The following ZNF248 variants were observed in gnomAD, a reference collection of about 807,000 sequenced individuals.
ZNF248 encodes the protein KRAB protein domain.
A neutral mutation model predicts 44.3 loss-of-function variants in ZNF248; 20 were observed. The ratio of observed to expected loss-of-function variants is 0.45; its 90% CI spans 0.32 to 0.66. The LOEUF (loss-of-function observed/expected upper bound fraction) is 0.66. ZNF248 is among the 30% of genes least tolerant of loss of function. ZNF248 has a pLI of 0.04. For missense variants in ZNF248, 654 were observed against 677.0 expected (o/e 0.97, Z 0.38); for synonymous variants, 224 against 229.0 (o/e 0.98, Z 0.20).
downstream of ZNF248, among the ~76,000 whole-genome samples, chr10:37,771,573 A>G (rs191871154): frequency 7.4e-3 from 1,079 of 146,378 alleles, 5 homozygotes; most frequent in Middle Eastern, 0.014. Context: ...GAGTTGAACA[A>G]TGAGAACACA....
At chr10:37,761,614 A>G in the ZNF248 span, among the ~76,000 whole-genome samples, 1 of 152,234 alleles carries the variant, frequency 6.6e-6, no homozygotes, top group African/African-American at 2.4e-5. Context: ...TGTTTCTTAC[A>G]ATGGAATAGT....
At chr10:37,856,190 G>A (rs747965456) in intron 3 of ZNF248, 106 bp downstream of exon 3, 66 of 1,289,634 alleles carry the variant, frequency 5.1e-5, no homozygotes, top group Non-Finnish European at 6.6e-5. Context: ...TTCCCTTAAT[G>A]TCAATTTTTG....
chr10:37,822,358 T>C (rs1462511676), intron 6 of ZNF248, among the ~76,000 whole-genome samples: 3 of 152,152 alleles, frequency 2.0e-5, no homozygotes, highest in Non-Finnish European at 4.4e-5. Context: ...CCATGACTGT[T>C]TTCCCAGGTT....
intron 3 of ZNF248, among the ~76,000 whole-genome samples, chr10:37,850,258 T>C (rs990063230): frequency 6.6e-6 from 1 of 152,154 alleles, no homozygotes; most frequent in African/African-American, 2.4e-5. Context: ...AGAACAGTCA[T>C]AAATAGTTGC....
In ZNF248 at chr10:37,833,131, A is replaced by AC; in HGVS notation, c.239-16_239-15insG. 6.4e-7 allele frequency: 1 copy of AC among 1,566,214 alleles called. No individual in the cohort carries two copies. The highest frequency in any genetic ancestry group is 8.6e-7 in the Non-Finnish European group (1 of 1,163,082). Reference sequence around the variant, plus strand: ...CCATTTCCTTTCTAGAAATGAGAAAAATAACCACATCTTATGAACCTTAAT... The same window carrying AC: ...CCATTTCCTTTCTAGAAATGAGAAAACATAACCACATCTTATGAACCTTAAT... On this transcript the variant is annotated splice_polypyrimidine_tract_variant and intron_variant, in intron 5 of 5. Coordinates refer to ENST00000395867, the MANE Select transcript of ZNF248 (RefSeq NM_021045.3).
chr10:37,835,899 A>G (rs1299711194), intron 5 of ZNF248, among the ~76,000 whole-genome samples: 1 of 152,160 alleles, frequency 6.6e-6, no homozygotes, highest in African/African-American at 2.4e-5. Context: ...CACATATCCA[A>G]TCTCTTAGTC....
Position 37,831,422 on chromosome 10 carries a change from C to T in ZNF248, c.*193G>A, listed in dbSNP as rs1396332226. 6.0e-6 allele frequency: 9 copies of T among 1,506,654 alleles called. No homozygotes were observed. Among genetic ancestry groups the T allele is most frequent in the Non-Finnish European group, 8.0e-6 (9 of 1,128,044 alleles). 93.3% of individuals were successfully genotyped at this position (1,506,654 alleles called of 1,614,324 possible). The stretch of plus-strand genomic sequence containing the variant: ...CATAAATTCCAGATAAATATTTTCA[C>T]CATATTACTTAGATGAATAGAATTC... On this transcript the variant is annotated 3_prime_UTR_variant, in exon 6 of 6. Coordinates refer to ENST00000395867, the MANE Select transcript of ZNF248 (RefSeq NM_021045.3).
intron 6 of ZNF248, among the ~76,000 whole-genome samples, chr10:37,780,081 C>A (rs1344129017): frequency 6.7e-6 from 1 of 149,790 alleles, no homozygotes; most frequent in East Asian, 1.9e-4. Context: ...GTGAAAATGG[C>A]CATACTGCCC....
downstream of ZNF248, among the ~76,000 whole-genome samples, chr10:37,773,144 G>T (rs1173924903): frequency 6.6e-6 from 1 of 152,168 alleles, no homozygotes; most frequent in Non-Finnish European, 1.5e-5. Context: ...TACTCAGGAG[G>T]CTGAGGCAGG....
chr10:37,831,883 G>C lies in ZNF248; in HGVS notation c.1472C>G (p.Pro491Arg). Reference protein sequence around the residue: ...VHQRTHTGEKPFICNECGKSF... With the variant: ...VHQRTHTGEKRFICNECGKSF... The stretch of plus-strand genomic sequence containing the variant: ...TTTTCCACATTCATTACATATAAAC[G>C]GTTTCTCCCCTGTGTGTGTTCTCTG... The change falls in exon 6 of 6, where the codon CCG becomes CGG. Residue 491 changes from proline to arginine, a missense_variant. By Grantham distance (103) the Pro-to-Arg change is moderately radical. Coordinates refer to ENST00000395867, the MANE Select transcript of ZNF248 (RefSeq NM_021045.3). 6.2e-7 allele frequency: 1 copy of C among 1,614,000 alleles called. No individual in the cohort carries two copies. Among genetic ancestry groups the C allele is most frequent in the South Asian group, 1.1e-5 (1 of 91,082 alleles).
chr10:37,795,798 T>C (rs1285106003), intron 6 of ZNF248: 1 of 152,226 alleles, frequency 6.6e-6, no homozygotes, highest in Non-Finnish European at 1.5e-5. Context: ...ATCATATTAC[T>C]GATAGAGTAC....
intron 6 of ZNF248, chr10:37,820,714 G>T: frequency 7.4e-7 from 1 of 1,343,088 alleles, no homozygotes; most frequent in Non-Finnish European, 1.1e-6. Context: ...TATCACTCAA[G>T]GATCCCATGC....
rs931809770 is a variant in ZNF248 at position 37,819,468 on chromosome 10, G to C, written c.330+13557C>G. On this transcript the variant is annotated intron_variant, in intron 6 of 6. Coordinates refer to the ZNF248 transcript ENST00000615949. Reference sequence around the variant, plus strand: ...TGAATTTTCACAGCTACGTATCTTTGCTCTATTAGTTCAAATGCCTTGTAA... The same window carrying C: ...TGAATTTTCACAGCTACGTATCTTTCCTCTATTAGTTCAAATGCCTTGTAA... The C allele has an allele frequency of 5.2e-6, 8 of 1,552,800 alleles. No homozygotes were observed. The African/African-American group carries it at 8.2e-5, about 16-fold the overall frequency.
chr10:37,777,550 T>C (rs2046727189), intron 6 of ZNF248, among the ~76,000 whole-genome samples: 1 of 146,794 alleles, frequency 6.8e-6, no homozygotes, highest in Non-Finnish European at 1.5e-5. Flanking sequence ...TTTTTTTTTT[T>C]TCAATTAAAG....
At chr10:37,762,224 A>G in the ZNF248 span, among the ~76,000 whole-genome samples, 3 of 152,202 alleles carry the variant, frequency 2.0e-5, no homozygotes, top group Admixed American at 1.3e-4. Context: ...AAGCTCCTAC[A>G]AATCTGTTGC....
chr10:37,769,756 G>A, the ZNF248 span, among the ~76,000 whole-genome samples: 1 of 152,106 alleles, frequency 6.6e-6, no homozygotes, highest in Non-Finnish European at 1.5e-5. Flanking sequence ...CAACATAGTG[G>A]TGGAAGTTCT....
intron 3 of ZNF248, among the ~76,000 whole-genome samples, chr10:37,845,719 G>A (rs1473661892): frequency 6.6e-6 from 1 of 151,904 alleles, no homozygotes. Flanking sequence ...GCAGGAAGGA[G>A]TGAAAAGCCT....
intron 6 of ZNF248, among the ~76,000 whole-genome samples, chr10:37,813,638 T>C (rs1242302810): frequency 2.0e-5 from 3 of 152,220 alleles, no homozygotes; most frequent in African/African-American, 7.2e-5. Flanking sequence ...AAGAATATAG[T>C]ATATAATACA....
chr10:37,856,466 C>T lies in ZNF248; in HGVS notation c.-59G>A. 2 of 1,335,486 alleles carry T rather than the reference C, an allele frequency of 1.5e-6. No individual in the cohort carries two copies. Among genetic ancestry groups the T allele is most frequent in the Non-Finnish European group, 1.9e-6 (2 of 1,038,260 alleles). 82.7% of individuals were successfully genotyped at this position (1,335,486 alleles called of 1,614,324 possible). On this transcript the variant is annotated 5_prime_UTR_variant, in exon 2 of 6. Transcript: ENST00000395867. ...ATGTGTGGCTCCGATATATGCTGAG[C>T]TCAGACATGACACTTTTCACTGAGT...
Sources: gnomAD v4.1 joint callset for allele counts (sites outside exome capture counted in the v4.1 genomes callset) on GRCh38, gnomAD v4.1.1 for gene constraint, MANE v1.5 for transcripts, NCBI Gene and HGNC (gene_info 2026-07-23, HGNC 2026-07-21) for gene names.